The following CEMIP2 variants were observed in gnomAD, a reference collection of about 807,000 sequenced individuals.
CEMIP2 encodes cell surface hyaluronidase CEMIP2.
Under a neutral mutation model 146.9 loss-of-function variants are expected in CEMIP2, and 79 were observed. That is an observed-to-expected ratio of 0.54 (90% CI 0.45 to 0.65). The LOEUF (loss-of-function observed/expected upper bound fraction) is 0.65, where lower values mean the gene tolerates loss of function less well. Ranked by LOEUF, CEMIP2 falls within the 30% of genes least tolerant of loss-of-function variation. The pLI, the probability that CEMIP2 is intolerant of heterozygous loss-of-function variation, is 0.00. For missense variants in CEMIP2, 1,596 were observed against 1,696.2 expected (o/e 0.94, Z 1.04); for synonymous variants, 601 against 606.3 (o/e 0.99, Z 0.13).
intron 19 of CEMIP2, 27 bp from the exon 20 acceptor site, chr9:71,698,231 T>C (rs1483746152): frequency 6.3e-7 from 1 of 1,594,280 alleles, no homozygotes; most frequent in African/African-American, 1.3e-5. Context: ...CCAATCCATG[T>C]AGTTAGACTT....
intron 21 of CEMIP2, among the ~76,000 whole-genome samples, chr9:71,690,641 T>C (rs1246402505): frequency 6.6e-6 from 1 of 152,222 alleles, no homozygotes; most frequent in African/African-American, 2.4e-5. Context: ...CTTATTGTCA[T>C]ATTGGTTCAG....
chr9:71,766,284 G>A (rs10869060), intron 1 of CEMIP2, among the ~76,000 whole-genome samples: 65,895 of 151,494 alleles, frequency 0.43, 16,339 homozygotes, highest in Non-Finnish European at 0.56. Context: ...TGTTGGCCAG[G>A]CTGGTCTCAA....
At position 71,714,985 on chromosome 9, in the gene CEMIP2, T is replaced by C. The variant is rs2131917456; in HGVS notation, c.2540A>G (p.Tyr847Cys). ...CTGGTCTATTCCTCCAGTGCCTACA[T>C]ACTTGTTCTGACCACCCTGAAAGCC... ...NYGFQGGQNK[Y>C]VGTGGIDQKP... is the part of the protein sequence containing the mutation. The change falls in exon 15 of 24, where the codon TAT becomes TGT. Residue 847 changes from tyrosine to cysteine, a missense_variant. Physicochemically the swap from Tyr to Cys is radical, Grantham distance 194. Coordinates refer to ENST00000377044, the MANE Select transcript of CEMIP2 (RefSeq NM_013390.3). The C allele has an allele frequency of 1.2e-6, 2 of 1,614,038 alleles. No individual in the cohort carries two copies. The highest frequency in any genetic ancestry group is 1.7e-6 in the Non-Finnish European group (2 of 1,179,944).
chr9:71,686,826 T>C (rs1822075631), intron 22 of CEMIP2: 1 of 152,198 alleles, frequency 6.6e-6, no homozygotes, highest in Non-Finnish European at 1.5e-5. Context: ...TCCTTCTCCA[T>C]TGTCTATCAG....
chr9:71,729,693 A>G, intron 10 of CEMIP2, 152 bp downstream of exon 10: 1 of 695,504 alleles, frequency 1.4e-6, no homozygotes. Context: ...AATCATCTCT[A>G]CCGTATTCTG....
chr9:71,728,294 T>A (rs1439865856), intron 10 of CEMIP2, among the ~76,000 whole-genome samples: 1 of 46,554 alleles, frequency 2.1e-5, no homozygotes, highest in Non-Finnish European at 3.9e-5. Context: ...TATATATATA[T>A]ATATATACAT....
At chr9:71,714,787 G>T in intron 15 of CEMIP2, 147 bp downstream of exon 15, 1 of 711,918 alleles carries the variant, frequency 1.4e-6, no homozygotes, top group Non-Finnish European at 2.2e-6. Context: ...AGTAGCAGCT[G>T]TAGCAGTAGT....
chr9:71,741,186 T>A lies in CEMIP2; in HGVS notation c.1035-954A>T, dbSNP rs1053607871. On this transcript the variant is annotated intron_variant, in intron 4 of 23. Coordinates refer to ENST00000377044, the MANE Select transcript of CEMIP2 (RefSeq NM_013390.3). ...AGGCAAGGTTGAGAACTGAGTTAGA[T>A]TTTTTTTTTTTTTTTTTTTTTTTTT... Among the ~76,000 whole-genome samples the A allele has an allele frequency of 1.6e-3, 13 of 8,020 alleles. No homozygotes were observed. The East Asian group carries it at 0.03, about 18-fold the overall frequency. 5.3% of individuals were successfully genotyped at this position (8,020 alleles called of 152,430 possible).
rs1057184347 is a variant in CEMIP2, at chr9:71,718,023, T to C, written c.2324A>G (p.Asp775Gly). ...ATTATTTTTAAAAGCAATGAGCCTG[T>C]CAATTAGAGCAGCAACACGTGGTTT... is the stretch of plus-strand genomic sequence containing the variant. The part of the protein sequence containing the change: ...PEKPRVAALI[D>G]RLIAFKNNDN... The change falls in exon 13 of 24, where the codon GAC (aspartate) becomes GGC (glycine). Residue 775 changes from aspartate to glycine, a missense_variant. Physicochemically the swap from Asp to Gly is moderately conservative, Grantham distance 94 (BLOSUM62 -1). Coordinates refer to ENST00000377044, the MANE Select transcript of CEMIP2 (RefSeq NM_013390.3). 2 of 1,613,308 alleles carry C rather than the reference T, an allele frequency of 1.2e-6. No homozygotes were observed. The highest frequency in any genetic ancestry group is 1.7e-6 in the Non-Finnish European group (2 of 1,179,584).
At chr9:71,707,193 A>G (rs1472288700) in intron 17 of CEMIP2, among the ~76,000 whole-genome samples, 1 of 152,208 alleles carries the variant, frequency 6.6e-6, no homozygotes, top group Non-Finnish European at 1.5e-5. Context: ...ATTGATGGGT[A>G]AACTTAATTT....
chr9:71,743,232 T>C (rs1420701124), intron 4 of CEMIP2, among the ~76,000 whole-genome samples: 1 of 152,196 alleles, frequency 6.6e-6, no homozygotes, highest in African/African-American at 2.4e-5. Context: ...ATCCCACAGA[T>C]TCAGGAGCAT....
intron 1 of CEMIP2, among the ~76,000 whole-genome samples, chr9:71,758,462 T>TGCAG (rs1824529487): frequency 6.6e-6 from 1 of 152,212 alleles, no homozygotes; most frequent in African/African-American, 2.4e-5. Flanking sequence ...GGAGAAAGAA[T>TGCAG]GCAGGCTCAG....
rs1430968232 is a variant in CEMIP2 at position 71,698,096 on chromosome 9, G to A, written c.3486C>T (p.Asp1162=). 6.2e-7 allele frequency: 1 copy of A among 1,614,154 alleles called. No individual in the cohort carries two copies. The highest frequency in any genetic ancestry group is 8.5e-7 in the Non-Finnish European group (1 of 1,180,028). ...VKIQAATDSK[D]ISNCMAKAYP... is the part of the protein sequence containing the mutation. ...ATGCTTTGGCCATGCAGTTACTGATGTCCTTTGAGTCTGTGGCTGCTTGGA... is the reference window on the plus strand; with the variant it reads ...ATGCTTTGGCCATGCAGTTACTGATATCCTTTGAGTCTGTGGCTGCTTGGA... The change falls in exon 20 of 24, where the codon GAC becomes GAT. Residue 1162 remains aspartate, a synonymous_variant. Transcript: ENST00000377044.
At chr9:71,764,134 A>C (rs1824717065) in intron 1 of CEMIP2, among the ~76,000 whole-genome samples, 1 of 152,226 alleles carries the variant, frequency 6.6e-6, no homozygotes, top group South Asian at 2.1e-4. Flanking sequence ...CTTCTTCTAA[A>C]AAATGTGCAC....
At chr9:71,745,762 C>A (rs760735597) in intron 3 of CEMIP2, among the ~76,000 whole-genome samples, 183 bp from the exon 4 acceptor site, 1 of 152,144 alleles carries the variant, frequency 6.6e-6, no homozygotes, top group Non-Finnish European at 1.5e-5. Context: ...CTCTCAATGC[C>A]CATGACTGTG....
intron 1 of CEMIP2, among the ~76,000 whole-genome samples, chr9:71,758,108 AC>A (rs1824519176): frequency 6.6e-6 from 1 of 152,232 alleles, no homozygotes; most frequent in East Asian, 1.9e-4. Context: ...TTTTAAAAAA[AC>A]AACCACTGCA....
At chr9:71,740,895 T>G (rs1272189780) in intron 4 of CEMIP2, among the ~76,000 whole-genome samples, 1 of 152,184 alleles carries the variant, frequency 6.6e-6, no homozygotes. Flanking sequence ...AGGAAGGGCA[T>G]GCTGAATTAG....
In CEMIP2 at chr9:71,758,612, G is replaced by A. The variant is rs549517814; in HGVS notation, c.-12-8227C>T. ...AGGTAGCACCCCTGAGAGGAGAGAC[G>A]GCAAATGTCTCTTTCAGATCTGTAA... On this transcript the variant is annotated intron_variant, in intron 1 of 23. Coordinates refer to ENST00000377044, the MANE Select transcript of CEMIP2 (RefSeq NM_013390.3). Among the ~76,000 whole-genome samples the A allele has an allele frequency of 2.7e-4, 41 of 152,202 alleles. No individual in the cohort carries two copies. In the South Asian group the frequency reaches 7.5e-3, roughly 28 times the overall value.
intron 12 of CEMIP2, among the ~76,000 whole-genome samples, chr9:71,718,415 T>C (rs1242324072): frequency 6.6e-6 from 1 of 152,160 alleles, no homozygotes; most frequent in Non-Finnish European, 1.5e-5. Flanking sequence ...TTAAGGTACA[T>C]GTTACCAATA....
Sources: allele counts gnomAD v4.1 joint callset (sites outside exome capture counted in the v4.1 genomes callset), GRCh38; gene constraint gnomAD v4.1.1; transcripts MANE v1.5; gene names NCBI Gene and HGNC (gene_info 2026-07-23, HGNC 2026-07-21).